The following GBE1 variants were observed in gnomAD, a reference collection of about 807,000 sequenced individuals.
The protein encoded by GBE1 is 1,4-alpha-glucan branching enzyme 1.
A neutral mutation model predicts 88.8 loss-of-function variants in GBE1; 70 were observed. The ratio of observed to expected loss-of-function variants is 0.79; its 90% CI spans 0.65 to 0.96. The LOEUF is 0.96. Among genes scored for constraint, GBE1 ranks in the 40% least tolerant of loss-of-function variants. The pLI is 0.00. For synonymous variants in GBE1, 284 were observed against 300.1 expected (o/e 0.95, Z 0.56); for missense variants, 872 against 871.0 (o/e 1.00, Z -0.01).
intron 1 of GBE1, among the ~76,000 whole-genome samples, chr3:81,727,262 A>G (rs1706126328): frequency 1.3e-5 from 2 of 152,196 alleles, no homozygotes; most frequent in African/African-American, 4.8e-5. Context: ...AACTTCCTAA[A>G]AGGGATCCAC....
At chr3:81,610,926 A>C (rs2106990010) in intron 7 of GBE1, among the ~76,000 whole-genome samples, 1 of 152,178 alleles carries the variant, frequency 6.6e-6, no homozygotes, top group South Asian at 2.1e-4. Context: ...AAGGGATTTC[A>C]TCTAGCGACC....
rs1266139073 is a variant in GBE1 at position 81,749,157 on chromosome 3, ACTG to A, written c.143+12215_143+12217del. On this transcript the variant is annotated intron_variant, in intron 1 of 15. Transcript: ENST00000429644. ...ACATAAATATTCATATCTTAGGTTT[ACTG>A]TAATATTTGTAATAGCCAAAAACTG... Among the ~76,000 whole-genome samples the A allele has an allele frequency of 5.7e-4, 87 of 152,334 alleles. 2 individuals carry two copies. In the South Asian group the frequency reaches 0.018, roughly 31 times the overall value.
At chr3:81,634,926 A>C (rs1028391077) in intron 7 of GBE1, among the ~76,000 whole-genome samples, 1 of 152,066 alleles carries the variant, frequency 6.6e-6, no homozygotes, top group Admixed American at 6.6e-5. Context: ...TGCATGAATG[A>C]AGGTATGACA....
chr3:81,683,063 G>T (rs1705374551), intron 2 of GBE1, among the ~76,000 whole-genome samples: 1 of 152,156 alleles, frequency 6.6e-6, no homozygotes, highest in Admixed American at 6.5e-5. Context: ...ACAGAAAGTA[G>T]ATCAGTGGTT....
At chr3:81,691,143 C>G (rs1473972839) in intron 2 of GBE1, among the ~76,000 whole-genome samples, 6 of 152,132 alleles carry the variant, frequency 3.9e-5, no homozygotes, top group African/African-American at 1.2e-4. Context: ...CCTAACATGA[C>G]CATGCCTTCT....
chr3:81,731,411 C>T (rs1706183872), intron 1 of GBE1, among the ~76,000 whole-genome samples: 1 of 152,150 alleles, frequency 6.6e-6, no homozygotes, highest in African/African-American at 2.4e-5. Flanking sequence ...AACTCAAAAG[C>T]TAAGCCACTG....
At chr3:81,635,575 T>C (rs1404014033) in intron 7 of GBE1, among the ~76,000 whole-genome samples, 1 of 152,154 alleles carries the variant, frequency 6.6e-6, no homozygotes, top group African/African-American at 2.4e-5. Flanking sequence ...TGCTAGTCTA[T>C]TCTGTAGAAA....
intron 2 of GBE1, among the ~76,000 whole-genome samples, chr3:81,690,772 C>G (rs1161051805): frequency 6.6e-6 from 1 of 152,062 alleles, no homozygotes; most frequent in Non-Finnish European, 1.5e-5. Flanking sequence ...TTTTATTCTA[C>G]TTTTTATTGT....
intron 7 of GBE1, among the ~76,000 whole-genome samples, chr3:81,607,525 G>A (rs768117232): frequency 1.3e-5 from 2 of 152,210 alleles, no homozygotes; most frequent in South Asian, 2.1e-4. Context: ...CTCCAGCCTG[G>A]CGACAGAGCA....
chr3:81,568,924 T>C (rs1703534400), intron 12 of GBE1, among the ~76,000 whole-genome samples: 1 of 152,086 alleles, frequency 6.6e-6, no homozygotes, highest in Admixed American at 6.6e-5. Context: ...ATACACAGAT[T>C]GTGAGCTATC....
chr3:81,507,037 A>T (rs1027196932), intron 14 of GBE1, among the ~76,000 whole-genome samples: 1 of 152,102 alleles, frequency 6.6e-6, no homozygotes, highest in Non-Finnish European at 1.5e-5. Context: ...TACCTATATG[A>T]CAAACCTGCA....
chr3:81,629,018 GTTTTTTTTTT>G (rs34707682), intron 7 of GBE1, among the ~76,000 whole-genome samples: 2 of 98,002 alleles, frequency 2.0e-5, no homozygotes, highest in African/African-American at 8.8e-5. Flanking sequence ...TTATGTTTAA[GTTTTTTTTTT>G]TTTTTTTTTT....
At chr3:81,565,183 A>C (rs550610513) in intron 12 of GBE1, among the ~76,000 whole-genome samples, 1 of 152,322 alleles carries the variant, frequency 6.6e-6, no homozygotes, top group African/African-American at 2.4e-5. Context: ...CAAGCCATTT[A>C]CAACTGCTCA....
At chr3:81,736,016 T>A (rs774459159) in intron 1 of GBE1, among the ~76,000 whole-genome samples, 1 of 152,146 alleles carries the variant, frequency 6.6e-6, no homozygotes, top group Non-Finnish European at 1.5e-5. Flanking sequence ...ACCTTATCCA[T>A]GAAGCCAAAG....
At chr3:81,589,519 A>G (rs902018283) in intron 9 of GBE1, among the ~76,000 whole-genome samples, 98 of 152,016 alleles carry the variant, frequency 6.4e-4, no homozygotes, top group African/African-American at 2.3e-3. Flanking sequence ...TTTTAAAAAA[A>G]AAAAAAATCT....
At chr3:81,596,407 A>G (rs1012285411) in intron 7 of GBE1, among the ~76,000 whole-genome samples, 8 of 151,908 alleles carry the variant, frequency 5.3e-5, no homozygotes, top group African/African-American at 1.9e-4. Flanking sequence ...ATTTAACATT[A>G]GGTATATCTC....
intron 12 of GBE1, 86 bp downstream of exon 12, chr3:81,577,839 G>T: frequency 9.0e-7 from 1 of 1,105,694 alleles, no homozygotes; most frequent in Non-Finnish European, 1.3e-6. Context: ...AATCTGAAAA[G>T]CCAAATCAAA....
chr3:81,754,159 C>A (rs975304463), intron 1 of GBE1, among the ~76,000 whole-genome samples: 26 of 152,020 alleles, frequency 1.7e-4, no homozygotes, highest in Admixed American at 1.7e-3. Flanking sequence ...TTTATATATG[C>A]CAACAGAGAA....
chr3:81,651,250 T>C (rs1704847587), intron 3 of GBE1, among the ~76,000 whole-genome samples: 1 of 152,202 alleles, frequency 6.6e-6, no homozygotes, highest in African/African-American at 2.4e-5. Flanking sequence ...TGAGATTACA[T>C]AAGTTGCCAG....
Sources: gnomAD v4.1 joint callset for allele counts (sites outside exome capture counted in the v4.1 genomes callset) on GRCh38, gnomAD v4.1.1 for gene constraint, MANE v1.5 for transcripts, NCBI Gene and HGNC (gene_info 2026-07-23, HGNC 2026-07-21) for gene names.